Variants in ARHGEF25 observed in about 807,000 individuals in gnomAD.
ARHGEF25 encodes Rho guanine nucleotide exchange factor 25.
Under a neutral mutation model 74.0 loss-of-function variants are expected in ARHGEF25, and 42 were observed. That is an observed-to-expected ratio of 0.57 (90% CI 0.44 to 0.73). ARHGEF25 has a LOEUF of 0.73. Among genes scored for constraint, ARHGEF25 ranks in the 30% least tolerant of loss-of-function variants. The pLI is 0.00. For missense variants in ARHGEF25, 645 were observed against 725.5 expected (o/e 0.89, Z 1.27); for synonymous variants, 293 against 278.6 (o/e 1.05, Z -0.51).
At position 57,614,376 on chromosome 12, in the gene ARHGEF25, G is replaced by A. The variant is rs951176649; in HGVS notation, c.702G>A (p.Trp234Ter). 2 of 1,614,098 alleles carry A rather than the reference G, an allele frequency of 1.2e-6. No homozygotes were observed. The highest frequency in any genetic ancestry group is 1.1e-5 in the South Asian group (1 of 91,082). ...AACGGTGTCTGAAAGATCCTGATTG[G>A]CTGGCTCAGCTATTCATCAAACACG... ...ELQRCLKDPD[W>*]LAQLFIKHER... is the part of the protein sequence containing the mutation. The change falls in exon 7 of 15, where the codon TGG (tryptophan) becomes TGA (stop). Residue 234 changes from tryptophan (W) to a stop codon, truncating the protein, a stop_gained. Coordinates refer to ENST00000286494, the MANE Select transcript of ARHGEF25 (RefSeq NM_182947.4). LOFTEE classifies it high-confidence loss of function. This position sits in a 1 kb window ranked among gnomAD's most constrained non-coding sequence, Gnocchi z 4.6.
intron 13 of ARHGEF25, 41 bp downstream of exon 13, chr12:57,616,058 C>A: frequency 1.3e-6 from 2 of 1,583,376 alleles, no homozygotes; most frequent in South Asian, 2.3e-5. Context: ...CTCTCTCAGC[C>A]CCTTAACCTC....
At position 57,611,764 on chromosome 12, in the gene ARHGEF25, C is replaced by T. The variant is rs913544283; in HGVS notation, c.-131C>T. 4 of 1,132,420 alleles carry T rather than the reference C, an allele frequency of 3.5e-6. No individual in the cohort carries two copies. The highest frequency in any genetic ancestry group is 4.4e-6 in the Non-Finnish European group (4 of 906,652). 70.1% of individuals were successfully genotyped at this position (1,132,420 alleles called of 1,614,324 possible). Reference sequence around the variant, plus strand: ...GACACCTCCTCCCGGTCCCCTCCCTCCCCCCCTCCCACAGCCTGGACCGGG... The same window carrying T: ...GACACCTCCTCCCGGTCCCCTCCCTTCCCCCCTCCCACAGCCTGGACCGGG... On this transcript the variant is annotated 5_prime_UTR_variant, in exon 1 of 15. Coordinates refer to ENST00000286494, the MANE Select transcript of ARHGEF25 (RefSeq NM_182947.4). This position sits in a 1 kb window ranked among gnomAD's most constrained non-coding sequence, Gnocchi z 4.5.
rs770998253 is a variant in ARHGEF25, at chr12:57,616,795, C to T, written c.1644C>T (p.Asp548=). The part of the protein sequence containing the change: ...LLPLDKQALG[D]IPQAPHDSPP... Reference sequence around the variant, plus strand: ...AATCTTTTCTTCAGGCCCTTGGTGACATCCCCCAGGCTCCCCATGACTCTC... The same window carrying T: ...AATCTTTTCTTCAGGCCCTTGGTGATATCCCCCAGGCTCCCCATGACTCTC... Residue 548 remains aspartate, a synonymous_variant, in exon 15 of 15, where the codon GAC becomes GAT. Transcript: ENST00000286494. 1 of 1,607,372 alleles carries T rather than the reference C, an allele frequency of 6.2e-7. No homozygotes were observed.
Position 57,614,398 on chromosome 12 carries a change from C to T in ARHGEF25, c.724C>T (p.His242Tyr). The T allele has an allele frequency of 6.2e-7, 1 of 1,613,956 alleles. No homozygotes were observed. The highest frequency in any genetic ancestry group is 8.5e-7 in the Non-Finnish European group (1 of 1,179,974). ...TTGGCTGGCTCAGCTATTCATCAAA[C>T]ACGTGAGGCTTGAGGGGGCAGGGCC... ...PDWLAQLFIK[H>Y]ERRLHMYVVY... The change falls in exon 7 of 15, where the codon CAC becomes TAC. Residue 242 changes from histidine (H) to tyrosine (Y), a missense_variant and splice_region_variant. Physicochemically the swap from His to Tyr is moderately conservative, Grantham distance 83 (BLOSUM62 2). Coordinates refer to ENST00000286494, the MANE Select transcript of ARHGEF25 (RefSeq NM_182947.4). The surrounding 1 kb of genome is among the most constrained non-coding windows in gnomAD (Gnocchi z 4.6).
intron 10 of ARHGEF25, 33 bp downstream of exon 10, chr12:57,615,050 G>A (rs1488467736): frequency 2.5e-6 from 4 of 1,611,884 alleles, no homozygotes; most frequent in Non-Finnish European, 3.4e-6. Context: ...GACACACCAT[G>A]TGCTCCTTAT....
Position 57,616,511 on chromosome 12 carries a change from C to T in ARHGEF25, c.1632+16C>T. ...GGATAAACAGGTATGACGAATAGAG[C>T]TCCCTCATTGTAGGGATAAAAAGGG... On this transcript the variant is annotated intron_variant, in intron 14 of 14. Transcript: ENST00000286494. 1 of 1,609,726 alleles carries T rather than the reference C, an allele frequency of 6.2e-7. No homozygotes were observed.
In ARHGEF25 at chr12:57,614,353, C is replaced by G. The variant is rs377474244; in HGVS notation, c.679C>G (p.Arg227Gly). The part of the protein sequence containing the change: ...HRDYFLQELQ[R>G]CLKDPDWLAQ... The stretch of plus-strand genomic sequence containing the variant: ...CAGCTATTTCTTGCAAGAGCTACAA[C>G]GGTGTCTGAAAGATCCTGATTGGCT... Residue 227 changes from arginine (R) to glycine (G), a missense_variant, in exon 7 of 15, where the codon CGG (arginine) becomes GGG (glycine). Physicochemically the swap from Arg to Gly is moderately radical, Grantham distance 125 (BLOSUM62 -2). Transcript: ENST00000286494. The surrounding 1 kb of genome is among the most constrained non-coding windows in gnomAD (Gnocchi z 4.6). 6.2e-7 allele frequency: 1 copy of G among 1,614,144 alleles called. No homozygotes were observed. The highest frequency in any genetic ancestry group is 8.5e-7 in the Non-Finnish European group (1 of 1,180,022).
chr12:57,612,818 C>T (rs1884107253), intron 1 of ARHGEF25, 112 bp from the exon 2 acceptor site: 1 of 1,514,550 alleles, frequency 6.6e-7, no homozygotes. Context: ...AGAGTGAGCC[C>T]TTGGAGAGAG....
intron 5 of ARHGEF25, 67 bp from the exon 6 acceptor site, chr12:57,613,947 TAC>T (rs969530436): frequency 6.5e-7 from 1 of 1,537,756 alleles, no homozygotes; most frequent in African/African-American, 1.4e-5. Flanking sequence ...TGGATTTGTG[TAC>T]AGGAGCACCA....
At chr12:57,613,621 G>A in intron 4 of ARHGEF25, 73 bp from the exon 5 acceptor site, 1 of 1,609,946 alleles carries the variant, frequency 6.2e-7, no homozygotes. Flanking sequence ...ATAAAGGGGA[G>A]GAGGGAGGAA....
Position 57,614,338 on chromosome 12 carries a change from T to C in ARHGEF25, c.664T>C (p.Leu222=). The change falls in exon 7 of 15, where the codon TTG becomes CTG. Residue 222 remains leucine (L), a synonymous_variant. Coordinates refer to ENST00000286494, the MANE Select transcript of ARHGEF25 (RefSeq NM_182947.4). This position sits in a 1 kb window ranked among gnomAD's most constrained non-coding sequence, Gnocchi z 4.6. ...CTCTACCAACCCCTCCAGCTATTTC[T>C]TGCAAGAGCTACAACGGTGTCTGAA... ...QIYEWHRDYF[L]QELQRCLKDP... 1 of 1,614,144 alleles carries C rather than the reference T, an allele frequency of 6.2e-7. No individual in the cohort carries two copies. Among genetic ancestry groups the C allele is most frequent in the African/African-American group, 1.3e-5 (1 of 75,026 alleles).
chr12:57,610,545 C>A, upstream of ARHGEF25: 1 of 1,588,918 alleles, frequency 6.3e-7, no homozygotes. Flanking sequence ...AGGGCAGGTT[C>A]CTTACAGTGG....
chr12:57,613,329 A>C lies in ARHGEF25; in HGVS notation c.378A>C (p.Thr126=). 6.2e-7 allele frequency: 1 copy of C among 1,614,172 alleles called. No individual in the cohort carries two copies. The highest frequency in any genetic ancestry group is 8.5e-7 in the Non-Finnish European group (1 of 1,180,018). ...TGCCGGAACTGACCTTGCTGACCAC[A>C]CTGTTGGAGGGCCCTGGAGATAAGA... ...EELPELTLLT[T]LLEGPGDKTQ... Residue 126 remains threonine (T), a synonymous_variant, in exon 3 of 15, where the codon ACA becomes ACC. Transcript: ENST00000286494.
At position 57,612,977 on chromosome 12, in the gene ARHGEF25, G is replaced by A. The variant is rs529397542; in HGVS notation, c.145G>A (p.Ala49Thr). The A allele has an allele frequency of 6.2e-7, 1 of 1,614,112 alleles. No individual in the cohort carries two copies. Among genetic ancestry groups the A allele is most frequent in the South Asian group, 1.1e-5 (1 of 91,074 alleles). ...TGAGGGGAGTATATCGGCTTCTGCT[G>A]CCTCCGGTCTGGCTGCCCCCTCTGG... ...GSEGSISASA[A>T]SGLAAPSGPS... The change falls in exon 2 of 15, where the codon GCC (alanine) becomes ACC (threonine). Residue 49 changes from alanine to threonine, a missense_variant. Ala to Thr is a moderately conservative substitution (Grantham distance 58). Transcript: ENST00000286494.
chr12:57,610,328 G>T (rs760647250), upstream of ARHGEF25: 16 of 1,452,952 alleles, frequency 1.1e-5, no homozygotes, highest in African/African-American at 2.1e-4. Flanking sequence ...AAGAATGGGG[G>T]CTCGCGGTGG....
Position 57,614,390 on chromosome 12 carries a change from T to G in ARHGEF25, c.716T>G (p.Phe239Cys). The change falls in exon 7 of 15, where the codon TTC becomes TGC. Residue 239 changes from phenylalanine to cysteine, a missense_variant. Physicochemically the swap from Phe to Cys is radical, Grantham distance 205 (BLOSUM62 -2). Around this residue, in one of 3 missense-constraint regions of ARHGEF25, gnomAD observed 194 missense variants for 269.4 expected, o/e 0.72. Transcript: ENST00000286494. The surrounding 1 kb of genome is among the most constrained non-coding windows in gnomAD (Gnocchi z 4.6). ...GATCCTGATTGGCTGGCTCAGCTAT[T>G]CATCAAACACGTGAGGCTTGAGGGG... ...LKDPDWLAQL[F>C]IKHERRLHMY... is the part of the protein sequence containing the mutation. 2 of 1,614,076 alleles carry G rather than the reference T, an allele frequency of 1.2e-6. No homozygotes were observed. Among genetic ancestry groups the G allele is most frequent in the Non-Finnish European group, 1.7e-6 (2 of 1,180,012 alleles).
At position 57,614,522 on chromosome 12, in the gene ARHGEF25, C is replaced by G; in HGVS notation, c.733C>G (p.Arg245Gly). ...TAAACATTACCCCTGTTAGGAGCGCCGGCTGCATATGTATGTGGTGTACTG... is the reference window on the plus strand; with the variant it reads ...TAAACATTACCCCTGTTAGGAGCGCGGGCTGCATATGTATGTGGTGTACTG... ...LAQLFIKHER[R>G]LHMYVVYCQN... Residue 245 changes from arginine to glycine, a missense_variant, in exon 8 of 15, where the codon CGG (arginine) becomes GGG (glycine). Transcript: ENST00000286494. This position sits in a 1 kb window ranked among gnomAD's most constrained non-coding sequence, Gnocchi z 4.6. The G allele has an allele frequency of 6.2e-7, 1 of 1,614,012 alleles. No homozygotes were observed. The highest frequency in any genetic ancestry group is 8.5e-7 in the Non-Finnish European group (1 of 1,180,020).
In ARHGEF25 at chr12:57,614,532, T is replaced by G; in HGVS notation, c.743T>G (p.Met248Arg). 1 of 1,614,058 alleles carries G rather than the reference T, an allele frequency of 6.2e-7. No individual in the cohort carries two copies. The highest frequency in any genetic ancestry group is 8.5e-7 in the Non-Finnish European group (1 of 1,180,002). The part of the protein sequence containing the change: ...LFIKHERRLH[M>R]YVVYCQNKPK... Reference sequence around the variant, plus strand: ...CCCTGTTAGGAGCGCCGGCTGCATATGTATGTGGTGTACTGTCAGAATAAG... The same window carrying G: ...CCCTGTTAGGAGCGCCGGCTGCATAGGTATGTGGTGTACTGTCAGAATAAG... The change falls in exon 8 of 15, where the codon ATG (methionine) becomes AGG (arginine). Residue 248 changes from methionine to arginine, a missense_variant. Physicochemically the swap from Met to Arg is moderately conservative, Grantham distance 91. Transcript: ENST00000286494. This position sits in a 1 kb window ranked among gnomAD's most constrained non-coding sequence, Gnocchi z 4.6.
Position 57,611,623 on chromosome 12 carries a change from C to G in ARHGEF25, c.-272C>G. On this transcript the variant is annotated 5_prime_UTR_variant, in exon 1 of 15. Coordinates refer to ENST00000286494, the MANE Select transcript of ARHGEF25 (RefSeq NM_182947.4). The surrounding 1 kb of genome is among the most constrained non-coding windows in gnomAD (Gnocchi z 4.5). ...TCCACTGGACATCTGGACCCTAGGC[C>G]CCCGCACCGACAGGGTTCCGGAAAC... 9.6e-7 allele frequency: 1 copy of G among 1,046,954 alleles called. No homozygotes were observed. The highest frequency in any genetic ancestry group is 1.1e-6 in the Non-Finnish European group (1 of 869,756). 64.9% of individuals were successfully genotyped at this position (1,046,954 alleles called of 1,614,324 possible). A position where few individuals can be genotyped will look rare whatever the true frequency, so the allele number is the denominator to read the frequency against.
Sources: gnomAD v4.1 joint callset for allele counts on GRCh38, gnomAD v4.1.1 for gene constraint, gnomAD v4.1.1 regional missense constraint, Gnocchi (gnomAD v3.1) non-coding constraint, MANE v1.5 for transcripts, NCBI Gene and HGNC (gene_info 2026-07-23, HGNC 2026-07-21) for gene names.